ZNF385D: variants seen among roughly 807,000 people sequenced by gnomAD.
ZNF385D encodes the protein zinc finger protein 385D.
A neutral mutation model predicts 35.8 loss-of-function variants in ZNF385D; 15 were observed. The observed-to-expected ratio is 0.42, with a 90% CI of 0.28 to 0.64. The LOEUF (loss-of-function observed/expected upper bound fraction) is 0.64. Among genes scored for constraint, ZNF385D ranks in the 30% least tolerant of loss-of-function variants. ZNF385D has a pLI of 0.23. For missense variants in ZNF385D, 474 were observed against 494.6 expected (o/e 0.96, Z 0.39); for synonymous variants, 212 against 186.8 (o/e 1.13, Z -1.10).
chr3:22,124,626 A>G (rs1703320515), intron 3 of ZNF385D, among the ~76,000 whole-genome samples: 1 of 152,152 alleles, frequency 6.6e-6, no homozygotes, highest in African/African-American at 2.4e-5. Flanking sequence ...AAATAGGGTG[A>G]GGTAATATAT....
intron 3 of ZNF385D, among the ~76,000 whole-genome samples, chr3:22,009,792 T>G (rs1454637580): frequency 6.6e-6 from 1 of 152,054 alleles, no homozygotes; most frequent in Non-Finnish European, 1.5e-5. Flanking sequence ...AGAGAGAATT[T>G]TAAATTGATA....
chr3:22,215,762 C>CCT (rs1161910961), intron 2 of ZNF385D, among the ~76,000 whole-genome samples: 1 of 151,844 alleles, frequency 6.6e-6, no homozygotes, highest in Non-Finnish European at 1.5e-5. Context: ...TTGTACACAC[C>CCT]CTCCCCTTTT....
rs11924693 is a variant in ZNF385D at position 21,620,104 on chromosome 3, C to T, written c.165+44782G>A. Among the ~76,000 whole-genome samples the T allele has an allele frequency of 1.7e-3, 259 of 152,232 alleles. 1 individual carries two copies. Among genetic ancestry groups the T allele is most frequent in the East Asian group, 3.5e-3 (18 of 5,170 alleles). ...TTAACACTGTAGGTATTCAAGGGCC[C>T]GTCTACAAAACATTTGCACGTATTT... On this transcript the variant is annotated intron_variant, in intron 2 of 7. Transcript: ENST00000281523.
intron 4 of ZNF385D, among the ~76,000 whole-genome samples, chr3:21,482,693 C>A (rs534089673): frequency 5.9e-5 from 9 of 152,134 alleles, no homozygotes; most frequent in Admixed American, 3.9e-4. Flanking sequence ...TTAGGTCAAC[C>A]AACTCAAATG....
At chr3:22,194,305 C>T (rs1047022009) in intron 2 of ZNF385D, among the ~76,000 whole-genome samples, 1 of 151,658 alleles carries the variant, frequency 6.6e-6, no homozygotes, top group Non-Finnish European at 1.5e-5. Context: ...CAGATAAACG[C>T]AAACTATATT....
chr3:22,185,408 G>T (rs545330256), intron 2 of ZNF385D, among the ~76,000 whole-genome samples: 21 of 152,268 alleles, frequency 1.4e-4, no homozygotes, highest in Non-Finnish European at 2.8e-4. Flanking sequence ...ATGGACAGTG[G>T]CAATCTCTTT....
rs750274493 is a variant in ZNF385D, at chr3:22,143,600, G to C, written c.325+25217C>G. Among the ~76,000 whole-genome samples, 114 of 151,798 alleles carry C rather than the reference G, an allele frequency of 7.5e-4. 2 individuals carry two copies. The highest frequency in any genetic ancestry group is 3.3e-4 in the Admixed American group (5 of 15,218). ...GAGATAACACGATATATATTTTTCTGTGATTTGCCTTTAAATATTCCTATA... is the reference window on the plus strand; with the variant it reads ...GAGATAACACGATATATATTTTTCTCTGATTTGCCTTTAAATATTCCTATA... On this transcript the variant is annotated intron_variant, in intron 3 of 5. Transcript: ENST00000494108.
chr3:22,285,703 C>G (rs779484808), intron 2 of ZNF385D, among the ~76,000 whole-genome samples: 1 of 151,960 alleles, frequency 6.6e-6, no homozygotes, highest in Non-Finnish European at 1.5e-5. Flanking sequence ...CCACAGCAGT[C>G]GCTGGTGTGT....
chr3:21,983,691 G>A (rs1273707914), intron 3 of ZNF385D, among the ~76,000 whole-genome samples: 1 of 38,414 alleles, frequency 2.6e-5, no homozygotes, highest in Non-Finnish European at 4.7e-5. Context: ...GTAATGGGAT[G>A]GCTGGGTCAA....
chr3:21,988,515 A>AG (rs1269321611), intron 3 of ZNF385D, among the ~76,000 whole-genome samples: 24 of 144,626 alleles, frequency 1.7e-4, no homozygotes, highest in Non-Finnish European at 3.2e-4. Context: ...TTGAGGAGGC[A>AG]GTCTGCCCGT....
At chr3:22,198,248 T>C (rs1396978821) in intron 2 of ZNF385D, among the ~76,000 whole-genome samples, 2 of 152,086 alleles carry the variant, frequency 1.3e-5, no homozygotes, top group South Asian at 4.1e-4. Flanking sequence ...AGATTAAGTT[T>C]AAAGATAAAG....
In ZNF385D at chr3:21,810,973, T is replaced by C. The variant is rs1000284969; in HGVS notation, c.326-145945A>G. Among the ~76,000 whole-genome samples the C allele has an allele frequency of 2.6e-4, 20 of 78,108 alleles. No homozygotes were observed. The South Asian group carries it at 7.4e-3, about 29-fold the overall frequency. 51.2% of individuals were successfully genotyped at this position (78,108 alleles called of 152,430 possible). A position where few individuals can be genotyped will look rare whatever the true frequency, so the allele number is the denominator to read the frequency against. On this transcript the variant is annotated intron_variant, in intron 3 of 5. Coordinates refer to the ZNF385D transcript ENST00000494108. ...ACACACACATATGTGTGTGTATACG[T>C]GTGTGTGTGTGTGTGTGTGTGTGTG...
At chr3:21,951,412 G>A (rs1262429509) in intron 3 of ZNF385D, among the ~76,000 whole-genome samples, 4 of 151,654 alleles carry the variant, frequency 2.6e-5, no homozygotes, top group Admixed American at 2.0e-4. Flanking sequence ...CTGAGACTTT[G>A]CTGAAGCTGC....
chr3:21,818,948 G>A (rs886912594), intron 3 of ZNF385D, among the ~76,000 whole-genome samples: 1 of 151,982 alleles, frequency 6.6e-6, no homozygotes, highest in South Asian at 2.1e-4. Flanking sequence ...TAATAACATA[G>A]CTATTTAATT....
chr3:21,863,811 T>C (rs1014654119), intron 3 of ZNF385D, among the ~76,000 whole-genome samples: 1 of 152,138 alleles, frequency 6.6e-6, no homozygotes, highest in Non-Finnish European at 1.5e-5. Context: ...ACTCTATTAG[T>C]GTATCTGTGC....
chr3:22,231,863 G>A (rs1453209044), intron 2 of ZNF385D, among the ~76,000 whole-genome samples: 1 of 151,978 alleles, frequency 6.6e-6, no homozygotes, highest in African/African-American at 2.4e-5. Flanking sequence ...TCCTTTGATG[G>A]TATTCTTAGG....
intron 2 of ZNF385D, among the ~76,000 whole-genome samples, chr3:22,174,952 T>C (rs917451978): frequency 6.6e-6 from 1 of 152,164 alleles, no homozygotes; most frequent in African/African-American, 2.4e-5. Context: ...TACAAAAGTT[T>C]TGCTCAAAAA....
chr3:21,960,326 CA>C (rs140886454), intron 3 of ZNF385D, among the ~76,000 whole-genome samples: 21,146 of 150,046 alleles, frequency 0.14, 1,624 homozygotes, highest in Non-Finnish European at 0.16. Context: ...AACAAATATC[CA>C]AAAAAAAATG....
chr3:21,937,348 G>C (rs1701311745), intron 3 of ZNF385D, among the ~76,000 whole-genome samples: 1 of 152,020 alleles, frequency 6.6e-6, no homozygotes, highest in Admixed American at 6.6e-5. Flanking sequence ...TTGACCTTCG[G>C]AGAACAATAA....
Sources: allele counts gnomAD v4.1 joint callset (sites outside exome capture counted in the v4.1 genomes callset), GRCh38; gene constraint gnomAD v4.1.1; transcripts MANE v1.5; gene names NCBI Gene and HGNC (gene_info 2026-07-23, HGNC 2026-07-21).